Variants in CCSER2 observed in about 807,000 individuals in gnomAD.
CCSER2 encodes coiled-coil serine rich protein 2, also known as serine-rich coiled-coil domain-containing protein 2.
In CCSER2, 46 loss-of-function variants were observed where a neutral mutation model predicts 92.3. The observed-to-expected ratio is 0.50, with a 90% confidence interval of 0.39 to 0.64. The LOEUF is 0.64. Ranked by LOEUF, CCSER2 falls within the 30% of genes least tolerant of loss-of-function variation. The pLI, the probability that CCSER2 is intolerant of heterozygous loss-of-function variation, is 0.00. For synonymous variants in CCSER2, 433 were observed against 431.4 expected, an observed-to-expected ratio of 1.00 and a Z score of -0.04; for missense variants, 1,244 against 1,238.9, an observed-to-expected ratio of 1.00 and a Z score of -0.06.
At chr10:84,366,450 C>T (rs957838750) in intron 1 of CCSER2, among the ~76,000 whole-genome samples, 1 of 152,162 alleles carries the variant, frequency 6.6e-6, no homozygotes, top group Non-Finnish European at 1.5e-5. Flanking sequence ...TTTATGTTCT[C>T]AGCAGGTTTA....
chr10:84,456,631 G>A (rs958011447), intron 6 of CCSER2, among the ~76,000 whole-genome samples: 6 of 152,152 alleles, frequency 3.9e-5, no homozygotes, highest in African/African-American at 1.4e-4. Context: ...TGTATGGTAA[G>A]TGTAAACTTA....
intron 1 of CCSER2, among the ~76,000 whole-genome samples, chr10:84,333,843 C>G (rs1843698245): frequency 6.6e-6 from 1 of 152,156 alleles, no homozygotes; most frequent in Non-Finnish European, 1.5e-5. Context: ...GCTCACAGCA[C>G]TTTGTTATAT....
rs142734193 is a variant in CCSER2 at position 84,483,163 on chromosome 10, C to T, written c.2325+5499C>T. 3.9e-3 allele frequency among the ~76,000 whole-genome samples: 588 copies of T among 152,140 alleles called. 2 individuals are homozygous for T. Among genetic ancestry groups the T allele is most frequent in the African/African-American group, 0.014 (574 of 41,546 alleles). ...GTCACAGCACTTTGGGAGGCTGAGG[C>T]GGGTGGATCACCGGAGGCTGGGAGT... is the stretch of plus-strand genomic sequence containing the variant. On this transcript the variant is annotated intron_variant, in intron 9 of 9. Transcript: ENST00000372088.
chr10:84,361,937 G>A (rs892765377), intron 1 of CCSER2, among the ~76,000 whole-genome samples: 1 of 152,166 alleles, frequency 6.6e-6, no homozygotes, highest in Non-Finnish European at 1.5e-5. Flanking sequence ...ACCGTGCCTG[G>A]CCTCACTAAC....
intron 9 of CCSER2, among the ~76,000 whole-genome samples, chr10:84,490,473 G>T (rs980941853): frequency 6.6e-6 from 1 of 151,956 alleles, no homozygotes; most frequent in Non-Finnish European, 1.5e-5. Context: ...TTCTGTTCTC[G>T]CTTCATTTCA....
intron 9 of CCSER2, among the ~76,000 whole-genome samples, chr10:84,500,630 G>C (rs1233134734): frequency 1.3e-5 from 2 of 152,170 alleles, no homozygotes; most frequent in African/African-American, 4.8e-5. Flanking sequence ...TTCCAAAACA[G>C]TGTGGGTTAT....
At chr10:84,442,740 T>A (rs1335017434) in intron 6 of CCSER2, among the ~76,000 whole-genome samples, 1 of 152,182 alleles carries the variant, frequency 6.6e-6, no homozygotes, top group Admixed American at 6.5e-5. Context: ...CTCCAAACTA[T>A]ATTACAAGGC....
intron 1 of CCSER2, among the ~76,000 whole-genome samples, chr10:84,366,033 A>G (rs560486419): frequency 1.2e-4 from 18 of 152,306 alleles, no homozygotes; most frequent in Admixed American, 3.9e-4. Flanking sequence ...GCTCCTGGCA[A>G]ACATTGCTGC....
At chr10:84,512,589 A>G (rs556812157) in intron 9 of CCSER2, among the ~76,000 whole-genome samples, 1 of 152,332 alleles carries the variant, frequency 6.6e-6, no homozygotes, top group African/African-American at 2.4e-5. Context: ...TTTTTGAAAC[A>G]TAACTACACA....
chr10:84,390,984 A>G, intron 3 of CCSER2: 1 of 769,448 alleles, frequency 1.3e-6, no homozygotes, highest in Admixed American at 1.7e-5. Context: ...CATTTAGTAA[A>G]TACCAGCATA....
At chr10:84,338,307 A>AC (rs1491303495) in intron 1 of CCSER2, among the ~76,000 whole-genome samples, 1,070 of 5,900 alleles carry the variant, frequency 0.18, 33 homozygotes, top group Admixed American at 0.43. Flanking sequence ...AAAAAAAAAC[A>AC]AAAAAAAACC....
At chr10:84,470,013 A>ATTTTTT (rs67106487) in intron 7 of CCSER2, among the ~76,000 whole-genome samples, 2 of 96,522 alleles carry the variant, frequency 2.1e-5, no homozygotes, top group Non-Finnish European at 4.3e-5. Flanking sequence ...TTTGTATGTG[A>ATTTTTT]TTTTTTTTTT....
chr10:84,377,474 T>G (rs535932777), intron 3 of CCSER2, among the ~76,000 whole-genome samples: 1 of 152,210 alleles, frequency 6.6e-6, no homozygotes, highest in Non-Finnish European at 1.5e-5. Flanking sequence ...TATATAAATA[T>G]TTCATTGCAT....
chr10:84,492,051 G>C (rs1236918459), intron 9 of CCSER2, among the ~76,000 whole-genome samples: 1 of 152,114 alleles, frequency 6.6e-6, no homozygotes, highest in Non-Finnish European at 1.5e-5. Flanking sequence ...AGGCTGAAGT[G>C]GGCGGATCAC....
chr10:84,454,051 G>A (rs779549608), intron 6 of CCSER2, among the ~76,000 whole-genome samples: 16 of 152,122 alleles, frequency 1.1e-4, no homozygotes, highest in Non-Finnish European at 1.8e-4. Context: ...TACATCAATA[G>A]AAGTTTATTC....
At chr10:84,355,278 T>G (rs1170854610) in intron 1 of CCSER2, among the ~76,000 whole-genome samples, 1 of 152,198 alleles carries the variant, frequency 6.6e-6, no homozygotes, top group Non-Finnish European at 1.5e-5. Context: ...TATTCTTCCT[T>G]TCTTCTTATG....
intron 8 of CCSER2, among the ~76,000 whole-genome samples, chr10:84,476,791 G>T (rs529235202): frequency 6.6e-6 from 1 of 152,116 alleles, no homozygotes; most frequent in East Asian, 1.9e-4. Flanking sequence ...TGAAAGTGAT[G>T]ATTATTTGGG....
intron 4 of CCSER2, among the ~76,000 whole-genome samples, chr10:84,420,505 C>T (rs1843087048): frequency 6.6e-6 from 1 of 152,110 alleles, no homozygotes; most frequent in Non-Finnish European, 1.5e-5. Context: ...ACACCCATTA[C>T]AGTTTTTTGG....
chr10:84,392,140 C>T (rs886314991), intron 3 of CCSER2: 14 of 611,750 alleles, frequency 2.3e-5, no homozygotes, highest in South Asian at 5.2e-5. Context: ...CTACCCTTTA[C>T]GGGGGGAAGG....
Sources: allele counts gnomAD v4.1 joint callset (sites outside exome capture counted in the v4.1 genomes callset), GRCh38; gene constraint gnomAD v4.1.1; transcripts MANE v1.5; gene names NCBI Gene and HGNC (gene_info 2026-07-23, HGNC 2026-07-21).